Variants in PKP4 observed in about 807,000 individuals in gnomAD.
The protein encoded by PKP4 is plakophilin 4.
PKP4 carries 90 observed loss-of-function variants against 145.1 expected under a neutral mutation model. That is an observed-to-expected ratio of 0.62 (90% CI 0.52 to 0.74). PKP4 has a LOEUF of 0.74. Ranked by LOEUF, PKP4 falls within the 30% of genes least tolerant of loss-of-function variation. PKP4 has a pLI of 0.00. For missense variants in PKP4, 1,340 were observed against 1,482.7 expected (o/e 0.90, Z 1.58); for synonymous variants, 563 against 577.2 (o/e 0.98, Z 0.35).
intron 1 of PKP4, among the ~76,000 whole-genome samples, chr2:158,513,095 T>C (rs1241802732): frequency 6.6e-6 from 1 of 152,184 alleles, no homozygotes; most frequent in Admixed American, 6.5e-5. Flanking sequence ...ATACTAACTA[T>C]CCTCTTCTCT....
chr2:158,474,026 T>C (rs1370437453), intron 1 of PKP4, among the ~76,000 whole-genome samples: 2 of 152,210 alleles, frequency 1.3e-5, no homozygotes, highest in Non-Finnish European at 2.9e-5. Context: ...GAATAAAATT[T>C]CTGTGTTTAC....
At chr2:158,667,521 A>T (rs2057209536) in intron 16 of PKP4, among the ~76,000 whole-genome samples, 1 of 152,200 alleles carries the variant, frequency 6.6e-6, no homozygotes, top group Non-Finnish European at 1.5e-5. Context: ...ATGTGGATTC[A>T]TGTGAATCTA....
chr2:158,656,206 C>G (rs1224712184), intron 11 of PKP4, among the ~76,000 whole-genome samples: 1 of 152,098 alleles, frequency 6.6e-6, no homozygotes, highest in Non-Finnish European at 1.5e-5. Context: ...TATGGGAGGC[C>G]AGCAAAACCC....
rs774656429 is a variant in PKP4, at chr2:158,603,121, A to G, written c.280+17A>G. 42 of 1,389,016 alleles carry G rather than the reference A, an allele frequency of 3.0e-5. No individual in the cohort carries two copies. The highest frequency in any genetic ancestry group is 2.2e-5 in the Admixed American group (1 of 46,160). 86.0% of individuals were successfully genotyped at this position (1,389,016 alleles called of 1,614,324 possible). A position where few individuals can be genotyped will look rare whatever the true frequency, so the allele number is the denominator to read the frequency against. ...GATCAACAGGTATGTTTTTTATTAT[A>G]TAAAAGTTATGTTTGATAAACACAA... On this transcript the variant is annotated intron_variant, in intron 4 of 21. Coordinates refer to ENST00000389759, the MANE Select transcript of PKP4 (RefSeq NM_003628.6).
At chr2:158,496,033 T>C (rs898339121) in intron 1 of PKP4, among the ~76,000 whole-genome samples, 2 of 152,064 alleles carry the variant, frequency 1.3e-5, no homozygotes, top group African/African-American at 4.8e-5. Context: ...CAGGCTGGAA[T>C]GTAGTGGCGC....
In PKP4 at chr2:158,625,317, A is replaced by G; in HGVS notation, c.1043A>G (p.Gln348Arg). ...PKRSGMTAVP[Q>R]HLGPSLQRTV... is the part of the protein sequence containing the mutation. ...CGCTCAGGGATGACCGCCGTACCACAGCATCTGGGACCTTCACTGCAAAGG... is the reference window on the plus strand; with the variant it reads ...CGCTCAGGGATGACCGCCGTACCACGGCATCTGGGACCTTCACTGCAAAGG... The change falls in exon 7 of 22, where the codon CAG (glutamine) becomes CGG (arginine). Residue 348 changes from glutamine (Q) to arginine (R), a missense_variant. Coordinates refer to ENST00000389759, the MANE Select transcript of PKP4 (RefSeq NM_003628.6). 1 of 1,614,190 alleles carries G rather than the reference A, an allele frequency of 6.2e-7. No homozygotes were observed. Among genetic ancestry groups the G allele is most frequent in the Non-Finnish European group, 8.5e-7 (1 of 1,180,026 alleles).
chr2:158,671,178 T>C (rs566129264), intron 17 of PKP4, among the ~76,000 whole-genome samples: 60 of 152,154 alleles, frequency 3.9e-4, no homozygotes, highest in Non-Finnish European at 3.4e-4. Context: ...GAATATTTAT[T>C]AATTGGCCAA....
intron 1 of PKP4, among the ~76,000 whole-genome samples, chr2:158,476,180 G>A (rs1392952649): frequency 6.6e-6 from 1 of 152,174 alleles, no homozygotes; most frequent in African/African-American, 2.4e-5. Flanking sequence ...ACATGCGATT[G>A]TATCTTAGTA....
chr2:158,483,253 T>C (rs1156648836), intron 1 of PKP4, among the ~76,000 whole-genome samples: 1 of 152,232 alleles, frequency 6.6e-6, no homozygotes, highest in African/African-American at 2.4e-5. Flanking sequence ...TTCTATTCAT[T>C]GTTAATGCAT....
At chr2:158,565,296 T>G (rs1406565077) in intron 2 of PKP4, among the ~76,000 whole-genome samples, 3 of 152,196 alleles carry the variant, frequency 2.0e-5, no homozygotes, top group Non-Finnish European at 4.4e-5. Flanking sequence ...CAAATATATT[T>G]CTTCATAAGG....
At chr2:158,506,567 G>A (rs1242691856) in intron 1 of PKP4, among the ~76,000 whole-genome samples, 1 of 152,182 alleles carries the variant, frequency 6.6e-6, no homozygotes, top group Non-Finnish European at 1.5e-5. Context: ...TTGACTGATT[G>A]TGTATTTGGT....
chr2:158,502,024 T>C (rs564273329), intron 1 of PKP4, among the ~76,000 whole-genome samples: 1 of 152,234 alleles, frequency 6.6e-6, no homozygotes, highest in African/African-American at 2.4e-5. Context: ...CTTACAACAT[T>C]ATTGAAGGTT....
chr2:158,634,562 T>A (rs970345974), intron 9 of PKP4, among the ~76,000 whole-genome samples: 2 of 152,218 alleles, frequency 1.3e-5, no homozygotes, highest in Non-Finnish European at 2.9e-5. Flanking sequence ...ACTGAAATAT[T>A]TCATCAAGAC....
intron 3 of PKP4, chr2:158,588,962 G>A (rs935225495): frequency 5.9e-5 from 9 of 152,310 alleles, no homozygotes; most frequent in African/African-American, 1.4e-4. Flanking sequence ...ACCAGGTGAT[G>A]AAGTGTCTTC....
intron 4 of PKP4, among the ~76,000 whole-genome samples, chr2:158,616,578 C>T (rs771836578): frequency 1.3e-5 from 2 of 152,324 alleles, no homozygotes; most frequent in Non-Finnish European, 2.9e-5. Flanking sequence ...TATCATCTGC[C>T]TTAACCTCGG....
At chr2:158,462,876 A>G (rs1689983311) in intron 1 of PKP4, among the ~76,000 whole-genome samples, 1 of 152,208 alleles carries the variant, frequency 6.6e-6, no homozygotes, top group Admixed American at 6.5e-5. Context: ...GAATTAATAC[A>G]TGTAAAGTGC....
chr2:158,630,538 C>T (rs2053251447), intron 7 of PKP4, among the ~76,000 whole-genome samples: 1 of 152,190 alleles, frequency 6.6e-6, no homozygotes, highest in Non-Finnish European at 1.5e-5. Flanking sequence ...TAGCACAAAA[C>T]TTCCAGTGTT....
At chr2:158,587,213 A>G (rs1202928604) in intron 3 of PKP4, among the ~76,000 whole-genome samples, 1 of 152,182 alleles carries the variant, frequency 6.6e-6, no homozygotes, top group African/African-American at 2.4e-5. Flanking sequence ...CCTCAGCTGT[A>G]TTAATTTTTC....
At chr2:158,555,026 T>G (rs2045971749) in intron 2 of PKP4, among the ~76,000 whole-genome samples, 1 of 152,228 alleles carries the variant, frequency 6.6e-6, no homozygotes, top group African/African-American at 2.4e-5. Flanking sequence ...AATATATCTC[T>G]TCTTAAAAGC....
Sources: allele counts gnomAD v4.1 joint callset (sites outside exome capture counted in the v4.1 genomes callset), GRCh38; gene constraint gnomAD v4.1.1; transcripts MANE v1.5; gene names NCBI Gene and HGNC (gene_info 2026-07-23, HGNC 2026-07-21).